The following MTHFD1L variants were observed in gnomAD, a reference collection of about 807,000 sequenced individuals.
MTHFD1L encodes the protein methylenetetrahydrofolate dehydrogenase (NADP+ dependent) 1 like.
A neutral mutation model predicts 119.5 loss-of-function variants in MTHFD1L; 81 were observed. The observed-to-expected ratio is 0.68, with a 90% CI of 0.57 to 0.82. MTHFD1L has a LOEUF of 0.82. Among genes scored for constraint, MTHFD1L ranks in the 40% least tolerant of loss-of-function variants. The probability of loss-of-function intolerance (pLI) is 0.00; values close to 1 mark genes in which losing one functional copy is unlikely to be tolerated. For missense variants in MTHFD1L, 1,125 were observed against 1,253.4 expected, an observed-to-expected ratio of 0.90 and a Z score of 1.55; for synonymous variants, 430 against 475.2, an observed-to-expected ratio of 0.90 and a Z score of 1.24.
chr6:150,936,996 G>T (rs2128937402), intron 12 of MTHFD1L, 56 bp downstream of exon 12: 4 of 1,583,900 alleles, frequency 2.5e-6, no homozygotes, highest in Non-Finnish European at 3.5e-6. Flanking sequence ...GGAGAGAATT[G>T]TAAAAAGAAC....
intron 20 of MTHFD1L, among the ~76,000 whole-genome samples, chr6:150,980,153 G>C (rs1217320533): frequency 1.3e-5 from 2 of 152,146 alleles, no homozygotes; most frequent in Non-Finnish European, 1.5e-5. Context: ...TTAAATCAAG[G>C]TTGAGAAGTG....
chr6:151,028,743 G>A (rs1784923414), intron 24 of MTHFD1L, among the ~76,000 whole-genome samples: 1 of 152,166 alleles, frequency 6.6e-6, no homozygotes, highest in Non-Finnish European at 1.5e-5. Context: ...ACCATAAATG[G>A]ACTTAACGCT....
At chr6:150,955,352 C>T (rs1413142730) in intron 16 of MTHFD1L, among the ~76,000 whole-genome samples, 1 of 152,178 alleles carries the variant, frequency 6.6e-6, no homozygotes, top group African/African-American at 2.4e-5. Context: ...GTCTGTGCCA[C>T]ATTTTGTTTA....
At chr6:150,895,103 C>T (rs906111149) in intron 7 of MTHFD1L, among the ~76,000 whole-genome samples, 3 of 152,216 alleles carry the variant, frequency 2.0e-5, no homozygotes, top group Non-Finnish European at 2.9e-5. Context: ...GGGAACCCCC[C>T]GCCTTTCCTC....
At chr6:150,972,420 A>G (rs906322970) in intron 20 of MTHFD1L, among the ~76,000 whole-genome samples, 15 of 152,210 alleles carry the variant, frequency 9.9e-5, no homozygotes, top group Admixed American at 9.2e-4. Flanking sequence ...ACTGAATGAG[A>G]TATTTTAGTC....
intron 16 of MTHFD1L, among the ~76,000 whole-genome samples, chr6:150,952,481 G>A (rs985362502): frequency 6.6e-6 from 1 of 152,096 alleles, no homozygotes; most frequent in Non-Finnish European, 1.5e-5. Flanking sequence ...TGGATGTTGC[G>A]CCATTTAATG....
At chr6:151,024,615 A>G (rs946650096) in intron 24 of MTHFD1L, among the ~76,000 whole-genome samples, 1 of 152,126 alleles carries the variant, frequency 6.6e-6, no homozygotes, top group African/African-American at 2.4e-5. Context: ...GATCACTTGA[A>G]GTCAGGAGTT....
intron 20 of MTHFD1L, 47 bp downstream of exon 20, chr6:150,972,105 T>G (rs1798068544): frequency 6.6e-7 from 1 of 1,518,628 alleles, no homozygotes; most frequent in African/African-American, 1.4e-5. Flanking sequence ...ATTGAAGAAA[T>G]CTAAAAGCTG....
chr6:150,872,469 G>A (rs1779704854), intron 1 of MTHFD1L, among the ~76,000 whole-genome samples: 2 of 152,288 alleles, frequency 1.3e-5, no homozygotes, highest in South Asian at 4.1e-4. Context: ...CCAGAGGAGA[G>A]GGAGAGAGAA....
chr6:151,017,175 G>A (rs930892163), intron 24 of MTHFD1L, among the ~76,000 whole-genome samples: 3 of 152,028 alleles, frequency 2.0e-5, no homozygotes, highest in Admixed American at 6.6e-5. Flanking sequence ...AACTGAAACT[G>A]TACCCACTGA....
intron 20 of MTHFD1L, among the ~76,000 whole-genome samples, chr6:150,979,962 G>T (rs559604403): frequency 2.0e-5 from 3 of 150,976 alleles, no homozygotes; most frequent in Non-Finnish European, 4.4e-5. Flanking sequence ...ACATTCTCAT[G>T]ATTTCATCCA....
intron 10 of MTHFD1L, among the ~76,000 whole-genome samples, chr6:150,925,136 C>T (rs1034158923): frequency 6.6e-6 from 1 of 152,138 alleles, no homozygotes; most frequent in Non-Finnish European, 1.5e-5. Context: ...GACTAAAGTC[C>T]ACTGAGGGGG....
intron 11 of MTHFD1L, among the ~76,000 whole-genome samples, chr6:150,928,783 G>T (rs984750710): frequency 6.6e-6 from 1 of 151,920 alleles, no homozygotes; most frequent in Admixed American, 6.6e-5. Context: ...GCCTCAAGTG[G>T]TCCGCCCGCC....
intron 25 of MTHFD1L, among the ~76,000 whole-genome samples, chr6:151,035,677 T>TC (rs1159445249): frequency 6.6e-6 from 1 of 152,204 alleles, no homozygotes; most frequent in Non-Finnish European, 1.5e-5. Flanking sequence ...TGTTTTTTTT[T>TC]CCGTGAGTTT....
chr6:150,905,158 T>C (rs1446901247), intron 7 of MTHFD1L, among the ~76,000 whole-genome samples: 1 of 150,366 alleles, frequency 6.7e-6, no homozygotes, highest in East Asian at 2.0e-4. Flanking sequence ...TGTAGCCTCC[T>C]GAGTAGCTGA....
chr6:150,865,830 C>T lies in MTHFD1L; in HGVS notation c.8C>T (p.Thr3Met), dbSNP rs1778196810. 7.9e-7 allele frequency: 1 copy of T among 1,266,154 alleles called. No homozygotes were observed. Among genetic ancestry groups the T allele is most frequent in the South Asian group, 2.0e-5 (1 of 51,114 alleles). 78.4% of individuals were successfully genotyped at this position (1,266,154 alleles called of 1,614,324 possible). Residue 3 changes from threonine to methionine, a missense_variant, in exon 1 of 28, where the codon ACG (threonine) becomes ATG (methionine). Physicochemically the swap from Thr to Met is moderately conservative, Grantham distance 81. Coordinates refer to ENST00000367321, the MANE Select transcript of MTHFD1L (RefSeq NM_015440.5). ...AACCAGCCGTCCCGCGCCATGGGCACGCGTCTGCCGCTCGTCCTGCGCCAG... is the reference window on the plus strand; with the variant it reads ...AACCAGCCGTCCCGCGCCATGGGCATGCGTCTGCCGCTCGTCCTGCGCCAG... MG[T>M]RLPLVLRQLR...
chr6:151,097,848 A>ACATAATAAACACTCATATATACCC (rs1795017140), intron 27 of MTHFD1L, among the ~76,000 whole-genome samples: 1 of 152,200 alleles, frequency 6.6e-6, no homozygotes, highest in South Asian at 2.1e-4. Flanking sequence ...CATTCCAGGC[A>ACATAATAAACACTCATATATACCC]CATAATAAAC....
intron 18 of MTHFD1L, among the ~76,000 whole-genome samples, chr6:150,960,693 C>G (rs1022232492): frequency 2.6e-5 from 4 of 152,116 alleles, no homozygotes; most frequent in Non-Finnish European, 5.9e-5. Flanking sequence ...CTGCTTCTGC[C>G]TGGGCTGGGG....
At position 151,039,712 on chromosome 6, in the gene MTHFD1L, C is replaced by T. The variant is rs1337274556; in HGVS notation, c.2847+2595C>T. On this transcript the variant is annotated intron_variant, in intron 26 of 27. Transcript: ENST00000367321. The surrounding 1 kb of genome is among the most constrained non-coding windows in gnomAD (Gnocchi z 4.4). ...CGGGCGGATCACAAGGTCAGGAGTTCGAGACCTGCCTGGCCAAAATGGTGA... is the reference window on the plus strand; with the variant it reads ...CGGGCGGATCACAAGGTCAGGAGTTTGAGACCTGCCTGGCCAAAATGGTGA... Among the ~76,000 whole-genome samples, 3 of 152,090 alleles carry T rather than the reference C, an allele frequency of 2.0e-5. No homozygotes were observed. Among genetic ancestry groups the T allele is most frequent in the South Asian group, 4.1e-4 (2 of 4,822 alleles).
Sources: gnomAD v4.1 joint callset for allele counts (sites outside exome capture counted in the v4.1 genomes callset) on GRCh38, gnomAD v4.1.1 for gene constraint, Gnocchi (gnomAD v3.1) non-coding constraint, MANE v1.5 for transcripts, NCBI Gene and HGNC (gene_info 2026-07-23, HGNC 2026-07-21) for gene names.